Variants in EMP2 observed in about 807,000 individuals in gnomAD.
EMP2 encodes the protein epithelial membrane protein 2.
A neutral mutation model predicts 13.7 loss-of-function variants in EMP2; 19 were observed. That is an observed-to-expected ratio of 1.38 (90% confidence interval 0.97 to 2.03). EMP2 has a LOEUF of 2.03. EMP2 is among the 30% of genes most tolerant of loss of function. The pLI is 0.00. For missense variants in EMP2, 253 were observed against 220.7 expected (o/e 1.15, Z -0.93); for synonymous variants, 97 against 84.7 (o/e 1.15, Z -0.80).
intron 4 of EMP2, among the ~76,000 whole-genome samples, chr16:10,537,678 C>T (rs1253445715): frequency 6.6e-6 from 1 of 152,134 alleles, no homozygotes; most frequent in East Asian, 1.9e-4. Flanking sequence ...GGCTTCATGT[C>T]TCCAGGATGC....
chr16:10,574,252 A>T (rs1337389561), intron 1 of EMP2, among the ~76,000 whole-genome samples: 1 of 151,674 alleles, frequency 6.6e-6, no homozygotes, highest in African/African-American at 2.4e-5. Flanking sequence ...GTTCTTTTTA[A>T]CTGCAGTAAA....
intron 4 of EMP2, among the ~76,000 whole-genome samples, chr16:10,537,461 A>G (rs1201330327): frequency 6.6e-6 from 1 of 152,094 alleles, no homozygotes; most frequent in Non-Finnish European, 1.5e-5. Context: ...AATCCTTTCT[A>G]TGGCCTGCAA....
chr16:10,542,445 C>CCA (rs3028802), intron 3 of EMP2, among the ~76,000 whole-genome samples: 68,587 of 150,694 alleles, frequency 0.46, 15,907 homozygotes, highest in Admixed American at 0.58. Flanking sequence ...AAACCCTCCC[C>CCA]CCCCACCAAC....
At chr16:10,567,980 T>G (rs142319143) in intron 1 of EMP2, among the ~76,000 whole-genome samples, 58 of 152,292 alleles carry the variant, frequency 3.8e-4, no homozygotes, top group African/African-American at 1.4e-3. Context: ...GTGGCAGAGC[T>G]GGGAGTGGAA....
intron 4 of EMP2, among the ~76,000 whole-genome samples, chr16:10,534,680 C>T (rs1194784092): frequency 6.6e-6 from 1 of 152,224 alleles, no homozygotes; most frequent in Non-Finnish European, 1.5e-5. Context: ...GCAGGAGAAT[C>T]GCCTGAACCC....
chr16:10,549,219 C>A (rs2050763242), intron 1 of EMP2, among the ~76,000 whole-genome samples: 1 of 152,064 alleles, frequency 6.6e-6, no homozygotes, highest in Non-Finnish European at 1.5e-5. Flanking sequence ...GAGTGACATA[C>A]AAGAGGAAGC....
chr16:10,542,628 G>T (rs908096787), intron 3 of EMP2, among the ~76,000 whole-genome samples: 1 of 152,150 alleles, frequency 6.6e-6, no homozygotes, highest in South Asian at 2.1e-4. Flanking sequence ...GTTCTATGAG[G>T]AAAAACAGAA....
intron 1 of EMP2, among the ~76,000 whole-genome samples, chr16:10,552,163 A>G (rs539100884): frequency 6.7e-6 from 1 of 148,990 alleles, no homozygotes; most frequent in Admixed American, 6.8e-5. Context: ...CCCTGGGGGG[A>G]AAAAGGGCTC....
intron 1 of EMP2, among the ~76,000 whole-genome samples, chr16:10,555,728 C>G (rs2142193149): frequency 6.6e-6 from 1 of 152,182 alleles, no homozygotes; most frequent in South Asian, 2.1e-4. Flanking sequence ...GCTGGGATTA[C>G]AGGCATGCGC....
chr16:10,558,074 G>A (rs2050845127), intron 1 of EMP2, among the ~76,000 whole-genome samples: 1 of 151,008 alleles, frequency 6.6e-6, no homozygotes, highest in South Asian at 2.1e-4. Context: ...CTGTTGCCCA[G>A]GCTGGAGTGC....
intron 1 of EMP2, among the ~76,000 whole-genome samples, chr16:10,569,859 T>A (rs1596382053): frequency 6.6e-6 from 1 of 152,158 alleles, no homozygotes; most frequent in Admixed American, 6.5e-5. Context: ...CACACTGGTA[T>A]AAACGGATGC....
chr16:10,565,179 G>C (rs2050898904), intron 1 of EMP2, among the ~76,000 whole-genome samples: 1 of 152,192 alleles, frequency 6.6e-6, no homozygotes, highest in Admixed American at 6.5e-5. Context: ...GGAGTGATTT[G>C]AAAAGGATTC....
rs58406598 is a variant in EMP2, at chr16:10,568,780, C to CTTTTTT, written c.-61+11763_-61+11768dup. On this transcript the variant is annotated intron_variant, in intron 1 of 4. Transcript: ENST00000359543. ...GTGTGGATTCTTGTGCTAGGATTTT[C>CTTTTTT]TTTTTTTTTTTTTTTTTTTTTTTGA... Among the ~76,000 whole-genome samples, 323 of 85,202 alleles carry CTTTTTT rather than the reference C, an allele frequency of 3.8e-3. 9 individuals carry two copies. The highest frequency in any genetic ancestry group is 0.024 in the Middle Eastern group (2 of 84). 55.9% of individuals were successfully genotyped at this position (85,202 alleles called of 152,430 possible).
intron 2 of EMP2, chr16:10,547,162 C>T (rs541769239): frequency 1.1e-3 from 185 of 168,394 alleles, no homozygotes; most frequent in African/African-American, 4.3e-3. Flanking sequence ...ACCCAAATCT[C>T]GTATTGTATT....
At chr16:10,537,820 A>G (rs1369353338) in intron 4 of EMP2, 108 bp downstream of exon 4, 5 of 1,490,184 alleles carry the variant, frequency 3.4e-6, no homozygotes, top group African/African-American at 2.8e-5. Context: ...GCGGCTGCCA[A>G]TTTCTCCTTT....
Position 10,538,078 on chromosome 16 carries a change from C to T in EMP2, c.170-4G>A, listed in dbSNP as rs771656461. On this transcript the variant is annotated splice_polypyrimidine_tract_variant and splice_region_variant and intron_variant, in intron 3 of 4. Coordinates refer to ENST00000359543, the MANE Select transcript of EMP2 (RefSeq NM_001424.6). ...ACCGCCTGCAGCGTGGAGTACTCTG[C>T]GGGAAAAGGGCAGGGGCGCAGGACT... is the stretch of plus-strand genomic sequence containing the variant. The T allele has an allele frequency of 3.7e-6, 6 of 1,613,170 alleles. No homozygotes were observed. In the East Asian group the frequency reaches 8.9e-5, roughly 24 times the overall value.
chr16:10,569,711 G>A (rs1313293369), intron 1 of EMP2, among the ~76,000 whole-genome samples: 2 of 152,180 alleles, frequency 1.3e-5, no homozygotes. Context: ...ATGAACACGA[G>A]CATAATACAG....
At chr16:10,575,573 T>C (rs2050978995) in intron 1 of EMP2, among the ~76,000 whole-genome samples, 1 of 152,046 alleles carries the variant, frequency 6.6e-6, no homozygotes, top group African/African-American at 2.4e-5. Flanking sequence ...CCCCCATCGC[T>C]AGATGATAAC....
rs199542484 is a variant in EMP2 at position 10,570,905 on chromosome 16, GGAA to G, written c.-61+9641_-61+9643del. On this transcript the variant is annotated intron_variant, in intron 1 of 4. Transcript: ENST00000359543. ...CTGGACAGAAAGAGGAAGGCAATGT[GGAA>G]GAAGAAGAAGGGCGAGGGAAAGAGC... Among the ~76,000 whole-genome samples, 840 of 152,166 alleles carry G rather than the reference GGAA, an allele frequency of 5.5e-3. 2 individuals carry two copies. The highest frequency in any genetic ancestry group is 9.2e-3 in the Non-Finnish European group (626 of 67,988).
Sources: allele counts gnomAD v4.1 joint callset (sites outside exome capture counted in the v4.1 genomes callset), GRCh38; gene constraint gnomAD v4.1.1; transcripts MANE v1.5; gene names NCBI Gene and HGNC (gene_info 2026-07-23, HGNC 2026-07-21).